ZNF567: variants seen among roughly 807,000 people sequenced by gnomAD.
The protein encoded by ZNF567 is zinc finger protein 567.
Under a neutral mutation model 53.9 loss-of-function variants are expected in ZNF567, and 36 were observed. That is an observed-to-expected ratio of 0.67 (90% confidence interval 0.51 to 0.88). The LOEUF is 0.88. Among genes scored for constraint, ZNF567 ranks in the 40% least tolerant of loss-of-function variants. ZNF567 has a pLI of 0.00. For missense variants in ZNF567, 619 were observed against 764.7 expected (o/e 0.81, Z 2.25); for synonymous variants, 224 against 260.4 (o/e 0.86, Z 1.35).
chr19:36,685,727 C>T (rs532684984), upstream of ZNF567: 2 of 152,298 alleles, frequency 1.3e-5, no homozygotes, highest in East Asian at 3.9e-4. Context: ...GAAAGTTAAA[C>T]ACCTGTTTCA....
chr19:36,681,365 G>A, the ZNF567 span, among the ~76,000 whole-genome samples: 1 of 151,908 alleles, frequency 6.6e-6, no homozygotes, highest in Admixed American at 6.6e-5. Context: ...CATATTTTTT[G>A]TGAATTGTTA....
At chr19:36,696,982 A>G (rs1404365176) in intron 3 of ZNF567, among the ~76,000 whole-genome samples, 4 of 152,174 alleles carry the variant, frequency 2.6e-5, no homozygotes, top group Non-Finnish European at 4.4e-5. Flanking sequence ...GTTACTCCCA[A>G]TTTTATTCTT....
chr19:36,717,634 C>T (rs1489404462), intron 5 of ZNF567, among the ~76,000 whole-genome samples: 1 of 152,134 alleles, frequency 6.6e-6, no homozygotes, highest in Non-Finnish European at 1.5e-5. Context: ...AGTTCTTGGA[C>T]TCAATGAAGA....
intron 5 of ZNF567, among the ~76,000 whole-genome samples, chr19:36,713,528 T>G (rs962387347): frequency 1.3e-5 from 2 of 151,998 alleles, no homozygotes; most frequent in Non-Finnish European, 2.9e-5. Flanking sequence ...GAGAATCACT[T>G]GAGCCCAAGG....
In ZNF567 at chr19:36,721,326, ATTC is replaced by A. The variant is rs776472116; in HGVS notation, c.*661_*663del. 17 of 152,176 alleles carry A rather than the reference ATTC, an allele frequency of 1.1e-4. No individual in the cohort carries two copies. The highest frequency in any genetic ancestry group is 2.2e-4 in the Non-Finnish European group (15 of 68,034). 9.4% of individuals were successfully genotyped at this position (152,176 alleles called of 1,614,324 possible). ...TAATAATAAAAATACTGCTGTAAAT[ATTC>A]TTGTTTATATCATGTGTGTGTTTGC... is the stretch of plus-strand genomic sequence containing the variant. On this transcript the variant is annotated 3_prime_UTR_variant, in exon 6 of 6. Coordinates refer to ENST00000682579, the MANE Select transcript of ZNF567 (RefSeq NM_001322917.1).
At chr19:36,681,209 G>A in the ZNF567 span, among the ~76,000 whole-genome samples, 5 of 150,764 alleles carry the variant, frequency 3.3e-5, no homozygotes, top group African/African-American at 1.2e-4. Flanking sequence ...ATAGCTCACT[G>A]TAATCTCAAC....
intron 3 of ZNF567, chr19:36,711,999 C>T (rs1264431082): frequency 6.4e-6 from 1 of 156,830 alleles, no homozygotes; most frequent in East Asian, 1.9e-4. Context: ...ATGACTGCCA[C>T]AAGGAAGCAG....
chr19:36,701,871 C>T (rs572411421), intron 3 of ZNF567, among the ~76,000 whole-genome samples: 2 of 140,580 alleles, frequency 1.4e-5, no homozygotes, highest in African/African-American at 2.6e-5. Context: ...GGTCTTGACT[C>T]TATCCAATTT....
chr19:36,687,072 A>G (rs755474722), upstream of ZNF567, among the ~76,000 whole-genome samples: 3 of 152,166 alleles, frequency 2.0e-5, no homozygotes, highest in Non-Finnish European at 4.4e-5. Context: ...CCCAACATTA[A>G]ACACAGCACT....
chr19:36,671,031 G>C, the ZNF567 span, among the ~76,000 whole-genome samples: 1 of 152,196 alleles, frequency 6.6e-6, no homozygotes, highest in Admixed American at 6.5e-5. Flanking sequence ...GAACCCAGGA[G>C]GCAGAGGTTG....
chr19:36,718,456 G>A (rs547874824), intron 5 of ZNF567, among the ~76,000 whole-genome samples: 6 of 152,150 alleles, frequency 3.9e-5, no homozygotes, highest in East Asian at 1.9e-4. Flanking sequence ...CCGAGATCAC[G>A]CCACTGCACT....
intron 2 of ZNF567, among the ~76,000 whole-genome samples, chr19:36,692,764 C>T (rs1396627122): frequency 6.6e-6 from 1 of 152,134 alleles, no homozygotes; most frequent in Non-Finnish European, 1.5e-5. Context: ...TGAGACCTCT[C>T]TGCACTATTT....
chr19:36,716,628 T>G (rs1409760422), intron 5 of ZNF567, among the ~76,000 whole-genome samples: 1 of 152,230 alleles, frequency 6.6e-6, no homozygotes, highest in Non-Finnish European at 1.5e-5. Context: ...GTGGTATTAT[T>G]TAACATGTTA....
chr19:36,726,159 C>T (rs1328408467), downstream of ZNF567, among the ~76,000 whole-genome samples: 7 of 152,060 alleles, frequency 4.6e-5, no homozygotes, highest in African/African-American at 1.7e-4. Context: ...CTTGTCTGGA[C>T]TAATTCTTTG....
the ZNF567 span, among the ~76,000 whole-genome samples, chr19:36,679,997 G>T: frequency 3.9e-5 from 6 of 152,124 alleles, no homozygotes; most frequent in African/African-American, 7.2e-5. Context: ...TTACCACAAA[G>T]AAATGGTAAA....
intron 2 of ZNF567, among the ~76,000 whole-genome samples, chr19:36,694,579 A>C (rs1410669373): frequency 6.6e-6 from 1 of 152,150 alleles, no homozygotes; most frequent in Non-Finnish European, 1.5e-5. Context: ...AGGGGAGAGG[A>C]GCTTGCCCAA....
At position 36,720,846 on chromosome 19, in the gene ZNF567, T is replaced by G. The variant is rs1307716327; in HGVS notation, c.*178T>G. 2.0e-6 allele frequency: 1 copy of G among 491,030 alleles called. No individual in the cohort carries two copies. The highest frequency in any genetic ancestry group is 4.0e-5 in the Admixed American group (1 of 25,272). The allele number at this position is 491,030 out of a possible 1,614,324, so 30.4% of individuals were successfully genotyped here. On this transcript the variant is annotated 3_prime_UTR_variant, in exon 6 of 6. Coordinates refer to ENST00000682579, the MANE Select transcript of ZNF567 (RefSeq NM_001322917.1). ...CATATAAAATAAGTATGATCATTAT[T>G]ATTGAACTCTATCAGCTATGAAGCT... is the stretch of plus-strand genomic sequence containing the variant.
In ZNF567 at chr19:36,705,953, T is replaced by C. The variant is rs140640430; in HGVS notation, c.10-6433T>C. 2.6e-5 allele frequency among the ~76,000 whole-genome samples: 4 copies of C among 152,306 alleles called. No homozygotes were observed. In the East Asian group the frequency reaches 7.7e-4, roughly 29 times the overall value. On this transcript the variant is annotated intron_variant, in intron 3 of 5. Coordinates refer to ENST00000682579, the MANE Select transcript of ZNF567 (RefSeq NM_001322917.1). ...ATAGCCATTCTAACTTTCTTATGAT[T>C]GTATGGTATCTTTGTTCTTTGTGCT...
chr19:36,725,276 C>T (rs1331782450), downstream of ZNF567, among the ~76,000 whole-genome samples: 1 of 149,630 alleles, frequency 6.7e-6, no homozygotes, highest in African/African-American at 2.5e-5. Context: ...GATCTCGGCT[C>T]ACTGCAACCT....
Sources: gnomAD v4.1 joint callset for allele counts (sites outside exome capture counted in the v4.1 genomes callset) on GRCh38, gnomAD v4.1.1 for gene constraint, MANE v1.5 for transcripts, NCBI Gene and HGNC (gene_info 2026-07-23, HGNC 2026-07-21) for gene names.